RPE65: variants seen among roughly 807,000 people sequenced by gnomAD.
The protein encoded by RPE65 is retinoid isomerohydrolase RPE65.
RPE65 carries 58 observed loss-of-function variants against 68.5 expected under a neutral mutation model. The ratio of observed to expected loss-of-function variants is 0.85; its 90% CI spans 0.69 to 1.05. RPE65 has a LOEUF of 1.05. Ranked by LOEUF, RPE65 falls within the 50% of genes least tolerant of loss-of-function variation. RPE65 has a pLI of 0.00. For missense variants in RPE65, 643 were observed against 629.9 expected, an observed-to-expected ratio of 1.02 and a Z score of -0.22; for synonymous variants, 220 against 222.2, an observed-to-expected ratio of 0.99 and a Z score of 0.09.
chr1:68,436,383 T>A (rs978253299), intron 10 of RPE65, among the ~76,000 whole-genome samples: 6 of 152,138 alleles, frequency 3.9e-5, no homozygotes, highest in African/African-American at 1.4e-4. Flanking sequence ...AGTGGGTACT[T>A]TCAAATTACA....
At chr1:68,443,331 G>A (rs1442529240) in intron 5 of RPE65, among the ~76,000 whole-genome samples, 2 of 152,194 alleles carry the variant, frequency 1.3e-5, no homozygotes, top group African/African-American at 2.4e-5. Context: ...CATGACTGGT[G>A]TTTAGTGGAT....
At chr1:68,439,150 T>A in intron 8 of RPE65, 41 bp downstream of exon 8, 1 of 1,614,034 alleles carries the variant, frequency 6.2e-7, no homozygotes, top group African/African-American at 1.3e-5. Flanking sequence ...AAACACATCT[T>A]CTTCAGAATC....
In RPE65 at chr1:68,438,328, A is replaced by C. The variant is rs750943553; in HGVS notation, c.999-12T>G. On this transcript the variant is annotated splice_polypyrimidine_tract_variant and intron_variant, in intron 9 of 13. Coordinates refer to ENST00000262340, the MANE Select transcript of RPE65 (RefSeq NM_000329.3). ...AAACAAACTCAAATCTGCAAAAATA[A>C]AAAGTCAAACATGAGCACAGGCAAT... The C allele has an allele frequency of 1.2e-6, 2 of 1,612,026 alleles. No individual in the cohort carries two copies. The highest frequency in any genetic ancestry group is 3.3e-5 in the Admixed American group (2 of 59,986).
intron 10 of RPE65, among the ~76,000 whole-genome samples, chr1:68,434,564 A>G (rs1041757344): frequency 6.6e-6 from 1 of 152,148 alleles, no homozygotes; most frequent in African/African-American, 2.4e-5. Context: ...GATGCTGGGA[A>G]GAAGCGAGGG....
At chr1:68,448,537 G>A (rs1217393892) in intron 2 of RPE65, 87 bp downstream of exon 2, 6 of 1,237,090 alleles carry the variant, frequency 4.9e-6, no homozygotes, top group Non-Finnish European at 7.1e-6. Flanking sequence ...CACAGGGGGA[G>A]TCTGCACTGA....
intron 5 of RPE65, among the ~76,000 whole-genome samples, chr1:68,442,632 A>G (rs2100824150): frequency 6.6e-6 from 1 of 152,312 alleles, no homozygotes; most frequent in African/African-American, 2.4e-5. Context: ...TTAAAATTAC[A>G]TTTTACAGTG....
At chr1:68,443,038 C>T (rs770280553) in intron 5 of RPE65, among the ~76,000 whole-genome samples, 7 of 152,108 alleles carry the variant, frequency 4.6e-5, no homozygotes, top group Admixed American at 1.3e-4. Context: ...TTTGCCTTCC[C>T]GTACAGCCCA....
At chr1:68,449,862 G>A (rs753147728) in intron 1 of RPE65, 33 bp downstream of exon 1, 63 of 1,610,692 alleles carry the variant, frequency 3.9e-5, no homozygotes, top group Non-Finnish European at 5.3e-5. Context: ...AATCCATGAA[G>A]GTGTTTTAAA....
chr1:68,432,091 A>G (rs1645831191), intron 10 of RPE65, among the ~76,000 whole-genome samples: 1 of 151,278 alleles, frequency 6.6e-6, no homozygotes, highest in African/African-American at 2.4e-5. Context: ...GCTGGACCAT[A>G]TGTTTCCTAA....
At position 68,447,600 on chromosome 1, in the gene RPE65, G is replaced by A. The variant is rs955868847; in HGVS notation, c.95-740C>T. 5.9e-5 allele frequency among the ~76,000 whole-genome samples: 9 copies of A among 152,134 alleles called. No individual in the cohort carries two copies. The East Asian group carries it at 7.7e-4, about 13-fold the overall frequency. On this transcript the variant is annotated intron_variant, in intron 2 of 13. Coordinates refer to ENST00000262340, the MANE Select transcript of RPE65 (RefSeq NM_000329.3). ...GGTAGGGCCGGGCGCGGTGGCTCGC[G>A]CTTGTAATCCCAGCACTTTGGGAGG...
Position 68,444,577 on chromosome 1 carries a change from T to C in RPE65, c.449A>G (p.Asn150Ser), listed in dbSNP as rs891340302. Residue 150 changes from asparagine to serine, a missense_variant, in exon 5 of 14, where the codon AAC (asparagine) becomes AGC (serine). Asn to Ser is a conservative substitution (Grantham distance 46). Coordinates refer to ENST00000262340, the MANE Select transcript of RPE65 (RefSeq NM_000329.3). Reference sequence around the variant, plus strand: ...CTCTGGATTAATCTTTGTAATAAAGTTGGTCTCTGTGCAAGCGTAGTAATC... The same window carrying C: ...CTCTGGATTAATCTTTGTAATAAAGCTGGTCTCTGTGCAAGCGTAGTAATC... ...GEDYYACTETNFITKINPETL... is the reference protein window; with the variant it reads ...GEDYYACTETSFITKINPETL... 100 of 1,614,098 alleles carry C rather than the reference T, an allele frequency of 6.2e-5. No homozygotes were observed. Among genetic ancestry groups the C allele is most frequent in the Non-Finnish European group, 7.5e-5 (89 of 1,180,028 alleles).
chr1:68,431,131 C>T lies in RPE65; in HGVS notation c.1384G>A (p.Glu462Lys). 6.2e-7 allele frequency: 1 copy of T among 1,613,836 alleles called. No individual in the cohort carries two copies. The highest frequency in any genetic ancestry group is 8.5e-7 in the Non-Finnish European group (1 of 1,179,834). Residue 462 changes from glutamate to lysine, a missense_variant, in exon 13 of 14, where the codon GAG (glutamate) becomes AAG (lysine). By Grantham distance (56) the Glu-to-Lys change is moderately conservative. Transcript: ENST00000262340. ...VKTKETWVWQEPDSYPSEPIF... is the reference protein window; with the variant it reads ...VKTKETWVWQKPDSYPSEPIF... ...GGTTCTGATGGGTATGAATCAGGCT[C>T]TTGCCAAACCCAAGTTTCTTTAGTT...
chr1:68,429,544 A>T lies in RPE65; in HGVS notation c.*232T>A, dbSNP rs1426104960. Reference sequence around the variant, plus strand: ...ATTGCTAAATATTTAAGAGTTTTTCAGTTATGGCCTGTCTCACAGAGGAAG... The same window carrying T: ...ATTGCTAAATATTTAAGAGTTTTTCTGTTATGGCCTGTCTCACAGAGGAAG... On this transcript the variant is annotated 3_prime_UTR_variant, in exon 14 of 14. Transcript: ENST00000262340. The T allele has an allele frequency of 1.9e-6, 1 of 525,298 alleles. No homozygotes were observed. The highest frequency in any genetic ancestry group is 3.4e-6 in the Non-Finnish European group (1 of 294,412). 32.5% of individuals were successfully genotyped at this position (525,298 alleles called of 1,614,324 possible).
intron 1 of RPE65, among the ~76,000 whole-genome samples, chr1:68,449,309 C>T (rs1645965332): frequency 6.6e-6 from 1 of 152,126 alleles, no homozygotes; most frequent in Non-Finnish European, 1.5e-5. Flanking sequence ...CCAAGACCTA[C>T]AGTACTTTTT....
rs148859816 is a variant in RPE65 at position 68,431,098 on chromosome 1, C to T, written c.1417G>A (p.Val473Ile). ...TCTTCCAAGGCATCTGGGTGAGAAACAAAGATGGGTTCTGATGGGTATGAA... is the reference window on the plus strand; with the variant it reads ...TCTTCCAAGGCATCTGGGTGAGAAATAAAGATGGGTTCTGATGGGTATGAA... ...PDSYPSEPIF[V>I]SHPDALEEDD... Residue 473 changes from valine (V) to isoleucine (I), a missense_variant, in exon 13 of 14, where the codon GTT becomes ATT. Val to Ile is a conservative substitution (Grantham distance 29, BLOSUM62 3). Transcript: ENST00000262340. 1.2e-6 allele frequency: 2 copies of T among 1,613,760 alleles called. No homozygotes were observed. The highest frequency in any genetic ancestry group is 1.7e-6 in the Non-Finnish European group (2 of 1,179,782).
chr1:68,449,863 G>A (rs1042352245), intron 1 of RPE65, 32 bp downstream of exon 1: 2 of 1,611,246 alleles, frequency 1.2e-6, no homozygotes, highest in Middle Eastern at 1.7e-4. Context: ...ATCCATGAAG[G>A]TGTTTTAAAA....
Position 68,440,778 on chromosome 1 carries a change from A to G in RPE65, c.643+75T>C, listed in dbSNP as rs1257458779. The G allele has an allele frequency of 3.2e-5, 50 of 1,568,668 alleles. 1 individual carries two copies. Among genetic ancestry groups the G allele is most frequent in the East Asian group, 3.1e-4 (14 of 44,634 alleles). ...CACAAAATGCTATTCTGACATTCTT[A>G]TCTTTCTCACAATACAGTAACTTTC... is the stretch of plus-strand genomic sequence containing the variant. On this transcript the variant is annotated intron_variant, in intron 6 of 13. Transcript: ENST00000262340.
At position 68,431,635 on chromosome 1, in the gene RPE65, A is replaced by G. The variant is rs758861723; in HGVS notation, c.1129-50T>C. 4 of 1,481,378 alleles carry G rather than the reference A, an allele frequency of 2.7e-6. No homozygotes were observed. In the African/African-American group the frequency reaches 4.2e-5, roughly 15 times the overall value. The allele number at this position is 1,481,378 out of a possible 1,614,324, so 91.8% of individuals were successfully genotyped here. On this transcript the variant is annotated intron_variant, in intron 10 of 13. Transcript: ENST00000262340. ...TCAGTGAGCAGGAAAGAATTCAAAC[A>G]GCCAGAAATGCAGAGTTCTTAAGTC... is the stretch of plus-strand genomic sequence containing the variant.
In RPE65 at chr1:68,448,655, T is replaced by C. The variant is rs1043155791; in HGVS notation, c.63A>G (p.Glu21=). The C allele has an allele frequency of 5.0e-6, 8 of 1,613,634 alleles. No individual in the cohort carries two copies. The highest frequency in any genetic ancestry group is 6.8e-6 in the Non-Finnish European group (8 of 1,179,930). Residue 21 remains glutamate (E), a synonymous_variant, in exon 2 of 14, where the codon GAA becomes GAG. Transcript: ENST00000262340. The stretch of plus-strand genomic sequence containing the variant: ...CATGAGCTGTGAGCGGCGAGGACAG[T>C]TCCTCCACAGTTTCAAACAGTTTCT... ...GYKKLFETVE[E]LSSPLTAHVT... is the part of the protein sequence containing the mutation.
Sources: allele counts gnomAD v4.1 joint callset (sites outside exome capture counted in the v4.1 genomes callset), GRCh38; gene constraint gnomAD v4.1.1; transcripts MANE v1.5; gene names NCBI Gene and HGNC (gene_info 2026-07-23, HGNC 2026-07-21).